Variants in ENTREP2 observed in about 807,000 individuals in gnomAD.
ENTREP2 encodes the protein protein ENTREP2.
the ENTREP2 span, among the ~76,000 whole-genome samples, chr15:29,481,745 C>T: frequency 5.9e-5 from 9 of 152,230 alleles, no homozygotes; most frequent in Admixed American, 1.3e-4. Flanking sequence ...GTCACTTAGT[C>T]CTAGACACCA....
chr15:29,322,164 CTT>C, the ENTREP2 span, among the ~76,000 whole-genome samples: 285 of 151,990 alleles, frequency 1.9e-3, no homozygotes, highest in African/African-American at 3.8e-3. Context: ...AATTGACAAA[CTT>C]ATATATATGT....
chr15:29,425,040 G>GT, the ENTREP2 span, among the ~76,000 whole-genome samples: 1 of 151,694 alleles, frequency 6.6e-6, no homozygotes, highest in African/African-American at 2.4e-5. Flanking sequence ...TTTTGTTTTT[G>GT]TTTTTTGAGA....
chr15:29,599,807 T>G, the ENTREP2 span, among the ~76,000 whole-genome samples: 1 of 152,208 alleles, frequency 6.6e-6, no homozygotes, highest in Non-Finnish European at 1.5e-5. Flanking sequence ...AGCCAAGATT[T>G]ATGGCTTCCT....
At chr15:29,212,081 A>G in the ENTREP2 span, among the ~76,000 whole-genome samples, 4 of 150,488 alleles carry the variant, frequency 2.7e-5, no homozygotes, top group Non-Finnish European at 5.9e-5. Flanking sequence ...ATCTGGTAGA[A>G]TTCTGCTGTG....
At chr15:29,630,961 C>T in the ENTREP2 span, among the ~76,000 whole-genome samples, 2 of 152,216 alleles carry the variant, frequency 1.3e-5, no homozygotes, top group African/African-American at 2.4e-5. Flanking sequence ...GCATTACAGG[C>T]ATAAGCCTGT....
the ENTREP2 span, among the ~76,000 whole-genome samples, chr15:29,387,098 C>T: frequency 2.6e-5 from 4 of 152,090 alleles, no homozygotes; most frequent in African/African-American, 9.7e-5. Flanking sequence ...GGAATGCTTC[C>T]AGTTTTTGCC....
chr15:29,414,155 G>T, the ENTREP2 span, among the ~76,000 whole-genome samples: 1 of 152,134 alleles, frequency 6.6e-6, no homozygotes, highest in South Asian at 2.1e-4. Context: ...GGACCTAATA[G>T]ACATCTACAG....
chr15:29,656,041 AAAC>A, the ENTREP2 span, among the ~76,000 whole-genome samples: 29 of 151,268 alleles, frequency 1.9e-4, no homozygotes, highest in South Asian at 3.1e-3. Context: ...AAAAAAAAAA[AAAC>A]AACTATGTAG....
the ENTREP2 span, among the ~76,000 whole-genome samples, chr15:29,378,022 G>GT: frequency 1.8e-4 from 28 of 151,702 alleles, no homozygotes; most frequent in Admixed American, 8.5e-4. Context: ...TTGAAGGAAT[G>GT]TAAGTCATGT....
chr15:29,229,481 CT>C, the ENTREP2 span, among the ~76,000 whole-genome samples: 1 of 152,214 alleles, frequency 6.6e-6, no homozygotes, highest in Non-Finnish European at 1.5e-5. Flanking sequence ...ATGTCTCTAC[CT>C]TTTTTTCCCC....
At chr15:29,139,613 G>GAGGTGCAAGGGACCCTCTCCGC in the ENTREP2 span, among the ~76,000 whole-genome samples, 1 of 152,222 alleles carries the variant, frequency 6.6e-6, no homozygotes, top group Admixed American at 6.5e-5. Flanking sequence ...AGGAGGGGCA[G>GAGGTGCAAGGGACCCTCTCCGC]AGGTGCAAGG....
At chr15:29,261,252 C>T in the ENTREP2 span, among the ~76,000 whole-genome samples, 1 of 152,156 alleles carries the variant, frequency 6.6e-6, no homozygotes, top group African/African-American at 2.4e-5. Context: ...GTGGTGCTCG[C>T]CTGTAATCCC....
chr15:29,136,584 G>A, the ENTREP2 span: 1 of 1,439,860 alleles, frequency 6.9e-7, no homozygotes, highest in African/African-American at 1.5e-5. Context: ...CCAGAGCAGG[G>A]GCGGCCAGGG....
the ENTREP2 span, among the ~76,000 whole-genome samples, chr15:29,197,345 G>A: frequency 3.9e-5 from 6 of 152,200 alleles, no homozygotes; most frequent in Non-Finnish European, 5.9e-5. Flanking sequence ...GCAGCTACTC[G>A]GCAGGCCAGG....
the ENTREP2 span, chr15:29,234,651 C>T: frequency 1.3e-6 from 2 of 1,564,826 alleles, no homozygotes; most frequent in South Asian, 1.1e-5. Flanking sequence ...CCAGTTCTAT[C>T]TTCACCACAA....
At chr15:29,428,202 C>G in the ENTREP2 span, among the ~76,000 whole-genome samples, 1 of 152,148 alleles carries the variant, frequency 6.6e-6, no homozygotes, top group African/African-American at 2.4e-5. Flanking sequence ...CCGATACACT[C>G]AAAAAACATA....
chr15:29,463,271 G>A, the ENTREP2 span, among the ~76,000 whole-genome samples: 1 of 152,144 alleles, frequency 6.6e-6, no homozygotes, highest in Non-Finnish European at 1.5e-5. Context: ...CCTGTCTCAT[G>A]AAGCACTGTG....
At chr15:29,343,575 T>G in the ENTREP2 span, among the ~76,000 whole-genome samples, 1 of 149,564 alleles carries the variant, frequency 6.7e-6, no homozygotes, top group Non-Finnish European at 1.5e-5. Flanking sequence ...AACCAGGCGC[T>G]CTCTCTCTCT....
the ENTREP2 span, among the ~76,000 whole-genome samples, chr15:29,214,682 T>C: frequency 7.6e-6 from 1 of 130,844 alleles, no homozygotes; most frequent in Non-Finnish European, 1.6e-5. Flanking sequence ...GAACTTAAAG[T>C]ATAATAATAA....
Sources: allele counts gnomAD v4.1 joint callset (sites outside exome capture counted in the v4.1 genomes callset), GRCh38; gene constraint gnomAD v4.1.1; transcripts MANE v1.5; gene names NCBI Gene and HGNC (gene_info 2026-07-23, HGNC 2026-07-21).